C7orf57: variants seen among roughly 807,000 people sequenced by gnomAD.
The protein encoded by C7orf57 is chromosome 7 open reading frame 57.
Under a neutral mutation model 39.0 loss-of-function variants are expected in C7orf57, and 33 were observed. The ratio of observed to expected loss-of-function variants is 0.85; its 90% CI spans 0.64 to 1.13. The LOEUF is 1.13. Among genes scored for constraint, C7orf57 ranks in the 50% most tolerant of loss-of-function variants. C7orf57 has a pLI of 0.00. For missense variants in C7orf57, 346 were observed against 362.3 expected (o/e 0.95, Z 0.37); for synonymous variants, 124 against 137.1 (o/e 0.90, Z 0.67).
intron 4 of C7orf57, among the ~76,000 whole-genome samples, chr7:48,044,666 C>T (rs1397338216): frequency 2.0e-5 from 3 of 152,206 alleles, no homozygotes; most frequent in Non-Finnish European, 2.9e-5. Context: ...GTAGAAATAG[C>T]AGCCTATCCC....
intron 2 of C7orf57, among the ~76,000 whole-genome samples, chr7:48,039,054 ATG>A (rs959838222): frequency 6.6e-6 from 1 of 152,168 alleles, no homozygotes; most frequent in Non-Finnish European, 1.5e-5. Flanking sequence ...GAGAGAGTAG[ATG>A]TGAACATCTC....
In C7orf57 at chr7:48,046,630, A is replaced by G; in HGVS notation, c.507+14A>G. 6.2e-7 allele frequency: 1 copy of G among 1,607,398 alleles called. No individual in the cohort carries two copies. Among genetic ancestry groups the G allele is most frequent in the Non-Finnish European group, 8.5e-7 (1 of 1,176,842 alleles). ...GAGAAAAAAAAGGTGACGGGAGCCC[A>G]TAAATAGACGGCATCCGCATCCGCT... On this transcript the variant is annotated intron_variant, in intron 5 of 8. Transcript: ENST00000348904.
At chr7:48,056,639 G>A (rs1202795513) in intron 8 of C7orf57, among the ~76,000 whole-genome samples, 5 of 151,944 alleles carry the variant, frequency 3.3e-5, no homozygotes, top group African/African-American at 4.8e-5. Flanking sequence ...TTTTGGATTT[G>A]GGATGCTCAA....
At chr7:48,046,642 C>T (rs202125955) in intron 5 of C7orf57, 26 bp downstream of exon 5, 1 of 1,597,790 alleles carries the variant, frequency 6.3e-7, no homozygotes, top group East Asian at 2.3e-5. Flanking sequence ...AAATAGACGG[C>T]ATCCGCATCC....
At chr7:48,042,607 G>C (rs1038730727) in intron 3 of C7orf57, among the ~76,000 whole-genome samples, 1 of 151,932 alleles carries the variant, frequency 6.6e-6, no homozygotes, top group Non-Finnish European at 1.5e-5. Flanking sequence ...GCCTAGGTCA[G>C]GGTATAGGGG....
chr7:48,058,961 C>T (rs1056988776), intron 8 of C7orf57, among the ~76,000 whole-genome samples: 2 of 152,164 alleles, frequency 1.3e-5, no homozygotes, highest in African/African-American at 4.8e-5. Flanking sequence ...AACCTTTTAA[C>T]GTTTCAAATT....
intron 7 of C7orf57, chr7:48,053,172 A>G (rs1791011794): frequency 8.3e-6 from 5 of 605,172 alleles, no homozygotes; most frequent in Admixed American, 6.9e-5. Flanking sequence ...TTATTTGTCA[A>G]AAATTTTGAT....
rs372814501 is a variant in C7orf57, at chr7:48,046,621, C to T, written c.507+5C>T. On this transcript the variant is annotated splice_donor_5th_base_variant and intron_variant, in intron 5 of 8. Coordinates refer to ENST00000348904, the MANE Select transcript of C7orf57 (RefSeq NM_001100159.3). ...CTTGAAAAGGAGAAAAAAAAGGTGACGGGAGCCCATAAATAGACGGCATCC... is the reference window on the plus strand; with the variant it reads ...CTTGAAAAGGAGAAAAAAAAGGTGATGGGAGCCCATAAATAGACGGCATCC... 42 of 1,609,960 alleles carry T rather than the reference C, an allele frequency of 2.6e-5. No homozygotes were observed. The highest frequency in any genetic ancestry group is 2.5e-4 in the East Asian group (11 of 44,758).
Position 48,041,500 on chromosome 7 carries a change from G to A in C7orf57, c.222G>A (p.Ala74=), listed in dbSNP as rs779493623. The A allele has an allele frequency of 1.4e-5, 23 of 1,607,088 alleles. No homozygotes were observed. The highest frequency in any genetic ancestry group is 1.1e-4 in the East Asian group (5 of 44,722). ...CAGATTCGGAATATGTGAAGCTCGC[G>A]AAACAAGGTGGCAGGCCCGGTGAGC... ...KETDSEYVKL[A]KQGGRPDLLK... The change falls in exon 3 of 9, where the codon GCG becomes GCA. Residue 74 remains alanine (A), a synonymous_variant. Coordinates refer to ENST00000348904, the MANE Select transcript of C7orf57 (RefSeq NM_001100159.3).
At chr7:48,048,503 A>G (rs1435885401) in intron 5 of C7orf57, among the ~76,000 whole-genome samples, 1 of 152,098 alleles carries the variant, frequency 6.6e-6, no homozygotes, top group Non-Finnish European at 1.5e-5. Flanking sequence ...TTTTCTTCCT[A>G]TAATTGTTAG....
chr7:48,058,445 C>T (rs1562634470), intron 8 of C7orf57, among the ~76,000 whole-genome samples: 1 of 151,844 alleles, frequency 6.6e-6, no homozygotes, highest in Non-Finnish European at 1.5e-5. Context: ...TTGTATGATT[C>T]TAGGAATGTA....
rs1049327150 is a variant in C7orf57, at chr7:48,046,508, C to A, written c.399C>A (p.Asn133Lys). The stretch of plus-strand genomic sequence containing the variant: ...ATTACATGGTTCATGAAGAATTTAA[C>A]CCCGATCAAGCCAATGGTAGCTATG... ...MPDYMVHEEF[N>K]PDQANGSYAS... Residue 133 changes from asparagine to lysine, a missense_variant, in exon 5 of 9, where the codon AAC (asparagine) becomes AAA (lysine). By Grantham distance (94) the Asn-to-Lys change is moderately conservative (BLOSUM62 0). Transcript: ENST00000348904. The A allele has an allele frequency of 1.2e-6, 2 of 1,613,730 alleles. No homozygotes were observed. Among genetic ancestry groups the A allele is most frequent in the Non-Finnish European group, 1.7e-6 (2 of 1,179,834 alleles).
At chr7:48,060,204 A>G in intron 8 of C7orf57, 22 bp from the exon 9 acceptor site, 2 of 1,492,188 alleles carry the variant, frequency 1.3e-6, no homozygotes, top group Non-Finnish European at 9.0e-7. Flanking sequence ...TTGTCTACTC[A>G]TTTATTTACT....
At chr7:48,047,221 C>A (rs1790743640) in intron 5 of C7orf57, among the ~76,000 whole-genome samples, 1 of 152,214 alleles carries the variant, frequency 6.6e-6, no homozygotes, top group African/African-American at 2.4e-5. Flanking sequence ...CTGGAAGGAA[C>A]AAGAGCCAGG....
intron 2 of C7orf57, among the ~76,000 whole-genome samples, chr7:48,037,259 C>T (rs529489642): frequency 6.6e-6 from 1 of 152,270 alleles, no homozygotes; most frequent in African/African-American, 2.4e-5. Context: ...CTTCTAGTGA[C>T]CTTGTCTGTA....
At chr7:48,038,387 G>T (rs11764788) in intron 2 of C7orf57, among the ~76,000 whole-genome samples, 35,110 of 125,020 alleles carry the variant, frequency 0.28, 4,571 homozygotes, top group Middle Eastern at 0.46. Flanking sequence ...TATACATATA[G>T]ATAGATAGAT....
Position 48,051,842 on chromosome 7 carries a change from T to C in C7orf57, c.606-858T>C, listed in dbSNP as rs1249103169. ...CTCTTTCTTTCTTTCTTTCTTTCTT[T>C]CTTTCTTTCTTTCTTTCTTTCTTTC... On this transcript the variant is annotated intron_variant, in intron 6 of 8. Coordinates refer to ENST00000348904, the MANE Select transcript of C7orf57 (RefSeq NM_001100159.3). Among the ~76,000 whole-genome samples the C allele has an allele frequency of 2.9e-3, 224 of 78,402 alleles. 5 individuals carry two copies. Among genetic ancestry groups the C allele is most frequent in the South Asian group, 7.0e-3 (16 of 2,272 alleles). 51.4% of individuals were successfully genotyped at this position (78,402 alleles called of 152,430 possible). A position where few individuals can be genotyped will look rare whatever the true frequency, so the allele number is the denominator to read the frequency against.
At chr7:48,044,532 G>A (rs368675041) in intron 4 of C7orf57, among the ~76,000 whole-genome samples, 2 of 152,164 alleles carry the variant, frequency 1.3e-5, no homozygotes, top group South Asian at 2.1e-4. Context: ...TGTGAGCTGA[G>A]TTACAAGCCC....
At chr7:48,047,876 T>G (rs1790762022) in intron 5 of C7orf57, among the ~76,000 whole-genome samples, 1 of 152,058 alleles carries the variant, frequency 6.6e-6, no homozygotes, top group African/African-American at 2.4e-5. Flanking sequence ...TCAGCCAAAA[T>G]GGACCATGTT....
Sources: allele counts gnomAD v4.1 joint callset (sites outside exome capture counted in the v4.1 genomes callset), GRCh38; gene constraint gnomAD v4.1.1; transcripts MANE v1.5; gene names NCBI Gene and HGNC (gene_info 2026-07-23, HGNC 2026-07-21).